FBXL7: variants seen among roughly 807,000 people sequenced by gnomAD.
FBXL7 encodes the protein F-box/LRR-repeat protein 7.
Under a neutral mutation model 38.3 loss-of-function variants are expected in FBXL7, and 12 were observed. The ratio of observed to expected loss-of-function variants is 0.31; its 90% confidence interval spans 0.20 to 0.51. FBXL7 has a LOEUF of 0.51. Among genes scored for constraint, FBXL7 ranks in the 20% least tolerant of loss-of-function variants. The pLI is 0.98. For synonymous variants in FBXL7, 297 were observed against 300.9 expected, an observed-to-expected ratio of 0.99 and a Z score of 0.13; for missense variants, 567 against 676.4, an observed-to-expected ratio of 0.84 and a Z score of 1.79.
intron 2 of FBXL7, among the ~76,000 whole-genome samples, chr5:15,650,820 C>G (rs1161954316): frequency 6.6e-6 from 1 of 152,190 alleles, no homozygotes; most frequent in Admixed American, 6.5e-5. Flanking sequence ...GCAATTCAGT[C>G]AAATCTTCAT....
intron 1 of FBXL7, among the ~76,000 whole-genome samples, chr5:15,576,643 T>C (rs1300671615): frequency 1.3e-5 from 2 of 152,236 alleles, no homozygotes; most frequent in African/African-American, 4.8e-5. Context: ...TTTGCTTAAC[T>C]TAATGGCTGG....
At chr5:15,794,659 T>C (rs1737368285) in intron 2 of FBXL7, among the ~76,000 whole-genome samples, 2 of 152,172 alleles carry the variant, frequency 1.3e-5, no homozygotes, top group Admixed American at 1.3e-4. Flanking sequence ...TTCTCTTATC[T>C]TTGAGCGTGA....
At chr5:15,699,501 C>T (rs1196981510) in intron 2 of FBXL7, among the ~76,000 whole-genome samples, 4 of 152,098 alleles carry the variant, frequency 2.6e-5, no homozygotes, top group African/African-American at 9.7e-5. Flanking sequence ...GATTAAAGGC[C>T]CACCCTATCC....
intron 2 of FBXL7, among the ~76,000 whole-genome samples, chr5:15,672,012 CT>C (rs1742495139): frequency 6.6e-6 from 1 of 152,162 alleles, no homozygotes; most frequent in African/African-American, 2.4e-5. Context: ...CTGGGAGCTT[CT>C]AATGCTAATA....
At chr5:15,826,519 A>C (rs1277551570) in intron 2 of FBXL7, among the ~76,000 whole-genome samples, 1 of 152,084 alleles carries the variant, frequency 6.6e-6, no homozygotes, top group Non-Finnish European at 1.5e-5. Flanking sequence ...CCCGGGTTCT[A>C]GTGATTCTTG....
chr5:15,825,599 T>G (rs978404993), intron 2 of FBXL7, among the ~76,000 whole-genome samples: 4 of 152,238 alleles, frequency 2.6e-5, no homozygotes, highest in African/African-American at 9.6e-5. Flanking sequence ...TCAGAAATAC[T>G]AATTATTCTC....
chr5:15,675,443 T>G (rs758572043), intron 2 of FBXL7, among the ~76,000 whole-genome samples: 13 of 152,256 alleles, frequency 8.5e-5, no homozygotes, highest in Non-Finnish European at 1.8e-4. Context: ...GTTGGCCTTT[T>G]GAAGGCCTGA....
intron 2 of FBXL7, among the ~76,000 whole-genome samples, chr5:15,804,312 T>A (rs146648701): frequency 0.026 from 3,937 of 151,716 alleles, 62 homozygotes; most frequent in Middle Eastern, 0.058. Flanking sequence ...TACAAAAAAA[T>A]TTAAGAACTA....
intron 2 of FBXL7, among the ~76,000 whole-genome samples, chr5:15,729,673 T>G (rs1208168843): frequency 6.6e-6 from 1 of 152,160 alleles, no homozygotes; most frequent in Non-Finnish European, 1.5e-5. Context: ...AGACAAAAAT[T>G]TTTAATTAAG....
intron 1 of FBXL7, among the ~76,000 whole-genome samples, chr5:15,522,798 C>T (rs1470243852): frequency 6.6e-6 from 1 of 152,102 alleles, no homozygotes; most frequent in African/African-American, 2.4e-5. Flanking sequence ...TAGTCTCAGC[C>T]CAAAGTCTCT....
intron 2 of FBXL7, among the ~76,000 whole-genome samples, chr5:15,899,815 C>T (rs1267969321): frequency 6.6e-6 from 1 of 152,092 alleles, no homozygotes; most frequent in African/African-American, 2.4e-5. Flanking sequence ...GAGCTTTCAA[C>T]AGACTTATTA....
chr5:15,703,333 C>T (rs1275072062), intron 2 of FBXL7, among the ~76,000 whole-genome samples: 1 of 152,132 alleles, frequency 6.6e-6, no homozygotes, highest in Non-Finnish European at 1.5e-5. Flanking sequence ...ACATGTTTCA[C>T]CTCCAACAGA....
At chr5:15,711,469 G>T (rs770903804) in intron 2 of FBXL7, among the ~76,000 whole-genome samples, 2 of 152,170 alleles carry the variant, frequency 1.3e-5, no homozygotes, top group Non-Finnish European at 2.9e-5. Context: ...AATTCAATTT[G>T]TTACAACCCT....
At chr5:15,706,779 G>A (rs559871258) in intron 2 of FBXL7, among the ~76,000 whole-genome samples, 1 of 152,300 alleles carries the variant, frequency 6.6e-6, no homozygotes, top group South Asian at 2.1e-4. Context: ...TGGGTGGATA[G>A]TACTGCTTTT....
At chr5:15,845,673 G>C (rs1249331950) in intron 2 of FBXL7, among the ~76,000 whole-genome samples, 2 of 152,032 alleles carry the variant, frequency 1.3e-5, no homozygotes. Flanking sequence ...TTACAAAATT[G>C]AATTTAAAAA....
At chr5:15,891,992 T>A (rs553991005) in intron 2 of FBXL7, among the ~76,000 whole-genome samples, 1 of 152,172 alleles carries the variant, frequency 6.6e-6, no homozygotes, top group Non-Finnish European at 1.5e-5. Flanking sequence ...CAGCCCCAGG[T>A]TGCAAGGGAG....
chr5:15,764,363 G>A (rs1736530380), intron 2 of FBXL7, among the ~76,000 whole-genome samples: 1 of 152,302 alleles, frequency 6.6e-6, no homozygotes, highest in Non-Finnish European at 1.5e-5. Flanking sequence ...AGAGAGATGT[G>A]TTTTCTCATC....
At chr5:15,709,375 A>C (rs1159431959) in intron 2 of FBXL7, among the ~76,000 whole-genome samples, 1 of 151,940 alleles carries the variant, frequency 6.6e-6, no homozygotes, top group Non-Finnish European at 1.5e-5. Context: ...CTCTACTAAA[A>C]ATACAAAAAT....
chr5:15,629,585 C>T (rs1198677745), intron 2 of FBXL7, among the ~76,000 whole-genome samples: 2 of 152,144 alleles, frequency 1.3e-5, no homozygotes, highest in Non-Finnish European at 2.9e-5. Flanking sequence ...ACAGCAATGC[C>T]AGTACTAGGC....
Sources: gnomAD v4.1 joint callset for allele counts (sites outside exome capture counted in the v4.1 genomes callset) on GRCh38, gnomAD v4.1.1 for gene constraint, MANE v1.5 for transcripts, NCBI Gene and HGNC (gene_info 2026-07-23, HGNC 2026-07-21) for gene names.